SLC35A1: variants seen among roughly 807,000 people sequenced by gnomAD.
SLC35A1 encodes the protein solute carrier family 35 member A1.
In SLC35A1, 21 loss-of-function variants were observed where a neutral mutation model predicts 40.3. That is an observed-to-expected ratio of 0.52 (90% CI 0.37 to 0.75). SLC35A1 has a LOEUF of 0.75. Among genes scored for constraint, SLC35A1 ranks in the 30% least tolerant of loss-of-function variants. The probability of loss-of-function intolerance (pLI) is 0.00; values close to 1 mark genes in which losing one functional copy is unlikely to be tolerated. For missense variants in SLC35A1, 297 were observed against 382.1 expected, an observed-to-expected ratio of 0.78 and a Z score of 1.86; for synonymous variants, 146 against 147.3, an observed-to-expected ratio of 0.99 and a Z score of 0.06.
chr6:87,492,633 C>G (rs899993648), intron 2 of SLC35A1, among the ~76,000 whole-genome samples: 3 of 150,846 alleles, frequency 2.0e-5, no homozygotes, highest in Non-Finnish European at 4.4e-5. Context: ...CTGCAACCTC[C>G]GCCTCCTGGG....
intron 3 of SLC35A1, 57 bp from the exon 4 acceptor site, chr6:87,501,101 T>C: frequency 1.4e-6 from 2 of 1,404,886 alleles, no homozygotes; most frequent in Non-Finnish European, 2.0e-6. Flanking sequence ...AGAAATAATA[T>C]ATTTGTATCA....
intron 1 of SLC35A1, among the ~76,000 whole-genome samples, chr6:87,474,220 A>G (rs148298195): frequency 1.9e-3 from 288 of 152,370 alleles, no homozygotes; most frequent in African/African-American, 6.7e-3. Context: ...CTTATTGCCA[A>G]TACATATTTG....
At chr6:87,502,513 A>C (rs1056116693) in intron 4 of SLC35A1, among the ~76,000 whole-genome samples, 3 of 152,214 alleles carry the variant, frequency 2.0e-5, no homozygotes, top group Non-Finnish European at 4.4e-5. Context: ...TATATAGCCT[A>C]TTGTTCCTAG....
chr6:87,475,652 C>A (rs1302255760), intron 1 of SLC35A1, among the ~76,000 whole-genome samples: 2 of 152,110 alleles, frequency 1.3e-5, no homozygotes, highest in African/African-American at 4.8e-5. Context: ...TATTGAAGAA[C>A]CTGTTTCCTT....
At chr6:87,474,187 C>T (rs1031479554) in intron 1 of SLC35A1, among the ~76,000 whole-genome samples, 22 of 152,194 alleles carry the variant, frequency 1.4e-4, no homozygotes, top group African/African-American at 4.1e-4. Context: ...CTTGAAATAG[C>T]TGCAACAATG....
intron 2 of SLC35A1, among the ~76,000 whole-genome samples, chr6:87,491,439 GA>G (rs1414504147): frequency 6.6e-6 from 1 of 152,186 alleles, no homozygotes; most frequent in Non-Finnish European, 1.5e-5. Context: ...GACAGGATTA[GA>G]AGACAAGTTT....
chr6:87,476,580 C>G (rs550727048), intron 1 of SLC35A1, among the ~76,000 whole-genome samples: 1 of 151,758 alleles, frequency 6.6e-6, no homozygotes, highest in Non-Finnish European at 1.5e-5. Flanking sequence ...CAAAAATTAG[C>G]TGGGTGTAGT....
At chr6:87,480,857 G>A (rs971201874) in intron 2 of SLC35A1, among the ~76,000 whole-genome samples, 1 of 152,124 alleles carries the variant, frequency 6.6e-6, no homozygotes, top group African/African-American at 2.4e-5. Context: ...GTGCTTGCTT[G>A]ACTCGGGTGT....
At chr6:87,491,884 C>G (rs957050939) in intron 2 of SLC35A1, among the ~76,000 whole-genome samples, 2 of 152,182 alleles carry the variant, frequency 1.3e-5, no homozygotes, top group Admixed American at 6.5e-5. Context: ...CTCACTAAAC[C>G]TAAGACCCTT....
chr6:87,507,270 G>A (rs574331785), intron 5 of SLC35A1, among the ~76,000 whole-genome samples: 3 of 152,242 alleles, frequency 2.0e-5, no homozygotes, highest in East Asian at 3.9e-4. Context: ...TTGTAAATAA[G>A]ATGTTTTATA....
At chr6:87,493,835 T>G (rs1485284355) in intron 2 of SLC35A1, among the ~76,000 whole-genome samples, 2 of 119,116 alleles carry the variant, frequency 1.7e-5, no homozygotes, top group African/African-American at 3.7e-5. Context: ...GGCTTCTGTT[T>G]GTATTTAACT....
intron 7 of SLC35A1, among the ~76,000 whole-genome samples, chr6:87,510,797 G>C (rs1342139612): frequency 6.6e-6 from 1 of 151,916 alleles, no homozygotes; most frequent in Non-Finnish European, 1.5e-5. Flanking sequence ...CTTGGACCTG[G>C]GAGGCAGAGG....
At chr6:87,494,492 A>C (rs1293364881) in intron 2 of SLC35A1, among the ~76,000 whole-genome samples, 1 of 147,862 alleles carries the variant, frequency 6.8e-6, no homozygotes, top group African/African-American at 2.5e-5. Flanking sequence ...GTGTGATCTC[A>C]GCTCATTGCA....
In SLC35A1 at chr6:87,508,505, G is replaced by C; in HGVS notation, c.660G>C (p.Val220=). The C allele has an allele frequency of 6.2e-7, 1 of 1,612,876 alleles. No homozygotes were observed. Among genetic ancestry groups the C allele is most frequent in the Non-Finnish European group, 8.5e-7 (1 of 1,179,216 alleles). The part of the protein sequence containing the change: ...NIQMYLSGII[V]TLAGVYLSDG... ...AAATGTATCTATCAGGGATTATTGT[G>C]ACATTAGCTGGCGTCTACTTGTCAG... is the stretch of plus-strand genomic sequence containing the variant. The change falls in exon 6 of 8, where the codon GTG becomes GTC. Residue 220 remains valine, a synonymous_variant. Coordinates refer to ENST00000369552, the MANE Select transcript of SLC35A1 (RefSeq NM_006416.5).
chr6:87,489,363 G>A (rs1052676779), intron 2 of SLC35A1, among the ~76,000 whole-genome samples: 3 of 151,968 alleles, frequency 2.0e-5, no homozygotes, highest in Non-Finnish European at 2.9e-5. Context: ...AGTTCTTGCA[G>A]GAATTGATTA....
At chr6:87,483,522 G>A (rs1435290467) in intron 2 of SLC35A1, among the ~76,000 whole-genome samples, 2 of 152,174 alleles carry the variant, frequency 1.3e-5, no homozygotes, top group Non-Finnish European at 2.9e-5. Flanking sequence ...TCGTAATGGG[G>A]ATTTCTCAGT....
intron 2 of SLC35A1, among the ~76,000 whole-genome samples, chr6:87,478,849 A>T (rs1199283901): frequency 6.6e-6 from 1 of 152,218 alleles, no homozygotes; most frequent in African/African-American, 2.4e-5. Flanking sequence ...GTGCCCTCAC[A>T]GATGGAGCAA....
At chr6:87,494,588 A>AT (rs932079400) in intron 2 of SLC35A1, among the ~76,000 whole-genome samples, 6 of 150,626 alleles carry the variant, frequency 4.0e-5, no homozygotes, top group Middle Eastern at 3.4e-3. Flanking sequence ...ACGCCTGGCT[A>AT]TTTTTTTTTG....
intron 2 of SLC35A1, among the ~76,000 whole-genome samples, chr6:87,482,040 A>G (rs948308657): frequency 6.6e-6 from 1 of 152,170 alleles, no homozygotes; most frequent in Non-Finnish European, 1.5e-5. Flanking sequence ...ATAGTTTTAC[A>G]TTCAGGAGGC....
Sources: gnomAD v4.1 joint callset for allele counts (sites outside exome capture counted in the v4.1 genomes callset) on GRCh38, gnomAD v4.1.1 for gene constraint, MANE v1.5 for transcripts, NCBI Gene and HGNC (gene_info 2026-07-23, HGNC 2026-07-21) for gene names.